OR2T11: variants seen among roughly 807,000 people sequenced by gnomAD.
OR2T11 encodes olfactory receptor 2T11.
Under a neutral mutation model 13.5 loss-of-function variants are expected in OR2T11, and 14 were observed. The observed-to-expected ratio is 1.04, with a 90% CI of 0.69 to 1.62. The LOEUF is 1.62. Among genes scored for constraint, OR2T11 ranks in the 40% most tolerant of loss-of-function variants. The pLI is 0.00. For synonymous variants in OR2T11, 163 were observed against 154.6 expected, an observed-to-expected ratio of 1.05 and a Z score of -0.40; for missense variants, 410 against 389.7, an observed-to-expected ratio of 1.05 and a Z score of -0.44.
rs548740873 is a variant in OR2T11 at position 248,631,077 on chromosome 1, A to G, written c.-144-3805T>C. Among the ~76,000 whole-genome samples the G allele has an allele frequency of 4.9e-4, 70 of 142,808 alleles. 11 individuals are homozygous for G. The highest frequency in any genetic ancestry group is 9.7e-4 in the Non-Finnish European group (64 of 66,124). The allele number at this position is 142,808 out of a possible 152,430, so 93.7% of individuals were successfully genotyped here. On this transcript the variant is annotated intron_variant, in intron 1 of 1. Transcript: ENST00000641193. Reference sequence around the variant, plus strand: ...AGGGCTAAGAAATAGATTATCTCCTAAAACCTCATAGAAAAGTAGGTAGCC... The same window carrying G: ...AGGGCTAAGAAATAGATTATCTCCTGAAACCTCATAGAAAAGTAGGTAGCC...
rs748001099 is a variant in OR2T11, at chr1:248,626,216, A to C, written c.913T>G (p.Cys305Gly). ...GTTGCTACTTTCTGAGCAGATGAGC[A>C]ACATGCAAATACCTTTTTAAATGCC... Reference protein sequence around the residue: ...IGAFKKVFACCSSAQKVATSD... With the variant: ...IGAFKKVFACGSSAQKVATSD... The change falls in exon 2 of 2, where the codon TGC becomes GGC. Residue 305 changes from cysteine (C) to glycine (G), a missense_variant. Coordinates refer to ENST00000641193, the MANE Select transcript of OR2T11 (RefSeq NM_001001964.2). 5 of 1,560,016 alleles carry C rather than the reference A, an allele frequency of 3.2e-6. No individual in the cohort carries two copies. The South Asian group carries it at 4.5e-5, about 14-fold the overall frequency.
At chr1:248,634,098 G>T (rs865907770) in intron 1 of OR2T11, among the ~76,000 whole-genome samples, 1 of 141,254 alleles carries the variant, frequency 7.1e-6, no homozygotes, top group African/African-American at 2.8e-5. Context: ...CTTCAAACCC[G>T]AGATGCCAAG....
chr1:248,630,248 T>G (rs1457502423), intron 1 of OR2T11, among the ~76,000 whole-genome samples: 1 of 142,208 alleles, frequency 7.0e-6, no homozygotes, highest in Non-Finnish European at 1.5e-5. Flanking sequence ...GACAAAAAAA[T>G]GGGATCCACC....
rs1357403596 is a variant in OR2T11 at position 248,628,479 on chromosome 1, G to A, written c.-144-1207C>T. On this transcript the variant is annotated intron_variant, in intron 1 of 1. Transcript: ENST00000641193. ...ACACACCTTGGCTCCACTATCTAGT[G>A]TTGCCAGATTTAGCAAAGATACAGG... is the stretch of plus-strand genomic sequence containing the variant. 1.4e-5 allele frequency among the ~76,000 whole-genome samples: 2 copies of A among 140,768 alleles called. 1 individual carries two copies. Among genetic ancestry groups the A allele is most frequent in the East Asian group, 4.1e-4 (2 of 4,896 alleles). 92.3% of individuals were successfully genotyped at this position (140,768 alleles called of 152,430 possible).
chr1:248,626,377 G>A lies in OR2T11; in HGVS notation c.752C>T (p.Ala251Val). The part of the protein sequence containing the change: ...HLTVVSIFYG[A>V]AFYTYVLPQS... The stretch of plus-strand genomic sequence containing the variant: ...GGGCAGCACGTATGTGTAGAAGGCA[G>A]CCCCATAGAAGATGCTAACTACAGT... Residue 251 changes from alanine (A) to valine (V), a missense_variant, in exon 2 of 2, where the codon GCT becomes GTT. By Grantham distance (64) the Ala-to-Val change is moderately conservative (BLOSUM62 0). Coordinates refer to ENST00000641193, the MANE Select transcript of OR2T11 (RefSeq NM_001001964.2). 6.4e-7 allele frequency: 1 copy of A among 1,573,286 alleles called. No individual in the cohort carries two copies. Among genetic ancestry groups the A allele is most frequent in the East Asian group, 2.3e-5 (1 of 43,668 alleles).
rs1440914146 is a variant in OR2T11, at chr1:248,630,816, C to G, written c.-144-3544G>C. Among the ~76,000 whole-genome samples, 2 of 143,226 alleles carry G rather than the reference C, an allele frequency of 1.4e-5. 1 individual carries two copies. The highest frequency in any genetic ancestry group is 5.5e-5 in the African/African-American group (2 of 36,276). 94.0% of individuals were successfully genotyped at this position (143,226 alleles called of 152,430 possible). A position where few individuals can be genotyped will look rare whatever the true frequency, so the allele number is the denominator to read the frequency against. ...AATGTCTGGAACCGATGAATATGCTCTCTTAAGTGGCAAAAAAGACTTTGT... is the reference window on the plus strand; with the variant it reads ...AATGTCTGGAACCGATGAATATGCTGTCTTAAGTGGCAAAAAAGACTTTGT... On this transcript the variant is annotated intron_variant, in intron 1 of 1. Coordinates refer to ENST00000641193, the MANE Select transcript of OR2T11 (RefSeq NM_001001964.2).
At chr1:248,631,829 A>C (rs574887442) in intron 1 of OR2T11, among the ~76,000 whole-genome samples, 1 of 143,312 alleles carries the variant, frequency 7.0e-6, no homozygotes, top group Admixed American at 6.8e-5. Context: ...GTGCAATTGC[A>C]GAGGGCAATG....
rs1660638648 is a variant in OR2T11, at chr1:248,633,352, T to C, written c.-145+1686A>G. ...GGCATATTTTCAACCTATATAATCA[T>C]CTCCTTACAACTGTATTCTCTATCT... On this transcript the variant is annotated intron_variant, in intron 1 of 1. Coordinates refer to ENST00000641193, the MANE Select transcript of OR2T11 (RefSeq NM_001001964.2). Among the ~76,000 whole-genome samples the C allele has an allele frequency of 1.4e-5, 2 of 143,392 alleles. 1 individual carries two copies. Among genetic ancestry groups the C allele is most frequent in the Middle Eastern group, 6.8e-3 (2 of 292 alleles). 94.1% of individuals were successfully genotyped at this position (143,392 alleles called of 152,430 possible).
chr1:248,626,365 G>A lies in OR2T11; in HGVS notation c.764C>T (p.Thr255Ile). The change falls in exon 2 of 2, where the codon ACA becomes ATA. Residue 255 changes from threonine (T) to isoleucine (I), a missense_variant. Transcript: ENST00000641193. Reference protein sequence around the residue: ...VSIFYGAAFYTYVLPQSFHTP... With the variant: ...VSIFYGAAFYIYVLPQSFHTP... ...GTGGAAGGACTGGGGCAGCACGTAT[G>A]TGTAGAAGGCAGCCCCATAGAAGAT... 1.9e-6 allele frequency: 3 copies of A among 1,573,320 alleles called. 1 individual carries two copies. The highest frequency in any genetic ancestry group is 3.0e-5 in the African/African-American group (2 of 67,086).
At chr1:248,634,064 T>C (rs1212569920) in intron 1 of OR2T11, among the ~76,000 whole-genome samples, 1 of 142,478 alleles carries the variant, frequency 7.0e-6, no homozygotes, top group Non-Finnish European at 1.5e-5. Context: ...CTAACTTTGT[T>C]AATCTTCAGT....
chr1:248,633,906 G>T (rs1313226711), intron 1 of OR2T11, among the ~76,000 whole-genome samples: 1 of 143,246 alleles, frequency 7.0e-6, no homozygotes, highest in Non-Finnish European at 1.5e-5. Context: ...AAAAGCCAAT[G>T]ACTTTTTCAC....
chr1:248,626,476 A>G lies in OR2T11; in HGVS notation c.653T>C (p.Ile218Thr), dbSNP rs1203815553. ...ISIISTSYSLILLTIHRMPSA... is the reference protein window; with the variant it reads ...ISIISTSYSLTLLTIHRMPSA... ...GGGCATGCGGTGGATGGTTAACAAG[A>G]TGAGGGAGTAGGAAGTGGAGATGAT... Residue 218 changes from isoleucine to threonine, a missense_variant, in exon 2 of 2, where the codon ATC becomes ACC. Ile to Thr is a moderately conservative substitution (Grantham distance 89). Transcript: ENST00000641193. The G allele has an allele frequency of 1.3e-6, 2 of 1,572,846 alleles. No individual in the cohort carries two copies. Among genetic ancestry groups the G allele is most frequent in the Admixed American group, 3.4e-5 (2 of 58,344 alleles).
chr1:248,625,763 A>T lies in OR2T11; in HGVS notation c.*415T>A, dbSNP rs1274180091. 1 of 151,322 alleles carries T rather than the reference A, an allele frequency of 6.6e-6. No individual in the cohort carries two copies. Among genetic ancestry groups the T allele is most frequent in the Non-Finnish European group, 1.4e-5 (1 of 70,800 alleles). 9.4% of individuals were successfully genotyped at this position (151,322 alleles called of 1,614,324 possible). ...CTTTTATCTTCTTTGCCACTTGTGTATTGGCATTCTTTTACTCTATTGCTG... is the reference window on the plus strand; with the variant it reads ...CTTTTATCTTCTTTGCCACTTGTGTTTTGGCATTCTTTTACTCTATTGCTG... On this transcript the variant is annotated 3_prime_UTR_variant, in exon 2 of 2. Coordinates refer to ENST00000641193, the MANE Select transcript of OR2T11 (RefSeq NM_001001964.2).
chr1:248,633,266 G>A (rs962502053), intron 1 of OR2T11, among the ~76,000 whole-genome samples: 4 of 140,004 alleles, frequency 2.9e-5, no homozygotes, highest in Non-Finnish European at 6.1e-5. Flanking sequence ...ACTGGAATGT[G>A]AGGTGATCTA....
At position 248,626,334 on chromosome 1, in the gene OR2T11, G is replaced by A. The variant is rs150601677; in HGVS notation, c.795C>T (p.Pro265=). The A allele has an allele frequency of 7.4e-5, 116 of 1,572,740 alleles. 20 individuals are homozygous for A. The East Asian group carries it at 8.7e-4, about 12-fold the overall frequency. ...AGGCTGACACTACTTTGTCCTGCTC[G>A]GGGGTGTGGAAGGACTGGGGCAGCA... is the stretch of plus-strand genomic sequence containing the variant. The part of the protein sequence containing the change: ...TYVLPQSFHT[P]EQDKVVSAFY... The change falls in exon 2 of 2, where the codon CCC becomes CCT. Residue 265 remains proline (P), a synonymous_variant. Transcript: ENST00000641193.
At chr1:248,631,479 G>A (rs565934654) in intron 1 of OR2T11, among the ~76,000 whole-genome samples, 1 of 142,404 alleles carries the variant, frequency 7.0e-6, no homozygotes, top group Non-Finnish European at 1.5e-5. Flanking sequence ...CATGCTCTCT[G>A]CCACTACCCT....
At position 248,631,554 on chromosome 1, in the gene OR2T11, G is replaced by C. The variant is rs771975568; in HGVS notation, c.-145+3484C>G. The stretch of plus-strand genomic sequence containing the variant: ...TCCGTTTACAACCAGCCAAAGAGAA[G>C]TTAAATGAATGCAGGGTAAAAGGCC... On this transcript the variant is annotated intron_variant, in intron 1 of 1. Coordinates refer to ENST00000641193, the MANE Select transcript of OR2T11 (RefSeq NM_001001964.2). 1.4e-5 allele frequency among the ~76,000 whole-genome samples: 2 copies of C among 143,394 alleles called. 1 individual carries two copies. 94.1% of individuals were successfully genotyped at this position (143,394 alleles called of 152,430 possible). A position where few individuals can be genotyped will look rare whatever the true frequency, so the allele number is the denominator to read the frequency against.
chr1:248,630,192 AT>A lies in OR2T11; in HGVS notation c.-144-2921del, dbSNP rs554115872. Among the ~76,000 whole-genome samples the A allele has an allele frequency of 7.6e-3, 1,081 of 143,122 alleles. 136 individuals are homozygous for A. Among genetic ancestry groups the A allele is most frequent in the South Asian group, 0.017 (76 of 4,536 alleles). The allele number at this position is 143,122 out of a possible 152,430, so 93.9% of individuals were successfully genotyped here. A position where few individuals can be genotyped will look rare whatever the true frequency, so the allele number is the denominator to read the frequency against. On this transcript the variant is annotated intron_variant, in intron 1 of 1. Transcript: ENST00000641193. The stretch of plus-strand genomic sequence containing the variant: ...TTATATAATGTGCTGAAGAGAAATA[AT>A]TTTTTTTAATGCTAGGCACTTGTGT...
intron 1 of OR2T11, among the ~76,000 whole-genome samples, chr1:248,633,516 A>G (rs1660641738): frequency 7.1e-6 from 1 of 141,348 alleles, no homozygotes; most frequent in Admixed American, 6.9e-5. Flanking sequence ...TTGGGCCAAA[A>G]TTATATTATC....
Sources: gnomAD v4.1 joint callset for allele counts (sites outside exome capture counted in the v4.1 genomes callset) on GRCh38, gnomAD v4.1.1 for gene constraint, MANE v1.5 for transcripts, NCBI Gene and HGNC (gene_info 2026-07-23, HGNC 2026-07-21) for gene names.